Variants in NAV3 observed in about 807,000 individuals in gnomAD.
NAV3 encodes the protein pore membrane and/or filament interacting like protein 1.
A neutral mutation model predicts 244.7 loss-of-function variants in NAV3; 87 were observed. The ratio of observed to expected loss-of-function variants is 0.36; its 90% CI spans 0.30 to 0.42. The LOEUF (loss-of-function observed/expected upper bound fraction) is 0.42, where lower values mean the gene tolerates loss of function less well. NAV3 is among the 20% of genes least tolerant of loss of function. NAV3 has a pLI of 1.00. For synonymous variants in NAV3, 1,126 were observed against 1,042.2 expected, an observed-to-expected ratio of 1.08 and a Z score of -1.55; for missense variants, 2,663 against 2,893.3, an observed-to-expected ratio of 0.92 and a Z score of 1.83.
intron 12 of NAV3, among the ~76,000 whole-genome samples, chr12:78,066,878 T>G (rs1885077654): frequency 1.3e-5 from 2 of 152,104 alleles, no homozygotes; most frequent in Non-Finnish European, 2.9e-5. Context: ...CATCATATAT[T>G]GAAGCAGGCC....
Position 77,909,161 on chromosome 12 carries a change from A to G in NAV3, c.244-31158A>G, listed in dbSNP as rs1886315519. ...TCAAAATGTGGCTACCGTTTTTGCTAGATTAACATTATTGGGTATAGGATT... is the reference window on the plus strand; with the variant it reads ...TCAAAATGTGGCTACCGTTTTTGCTGGATTAACATTATTGGGTATAGGATT... On this transcript the variant is annotated intron_variant, in intron 1 of 39. Coordinates refer to ENST00000397909, the MANE Select transcript of NAV3 (RefSeq NM_001024383.2). Among the ~76,000 whole-genome samples, 4 of 152,098 alleles carry G rather than the reference A, an allele frequency of 2.6e-5. 1 individual carries two copies. Among genetic ancestry groups the G allele is most frequent in the Admixed American group, 2.6e-4 (4 of 15,240 alleles).
chr12:78,137,368 A>T lies in NAV3; in HGVS notation c.4630+3A>T. ...ATTCAGAGACAGCATGGAAGAAGGT[A>T]AGCGTTGAGGGGGATTAAAGATGAA... On this transcript the variant is annotated splice_donor_region_variant and intron_variant, in intron 19 of 39. Coordinates refer to ENST00000397909, the MANE Select transcript of NAV3 (RefSeq NM_001024383.2). 1 of 1,607,804 alleles carries T rather than the reference A, an allele frequency of 6.2e-7. No individual in the cohort carries two copies. The highest frequency in any genetic ancestry group is 8.5e-7 in the Non-Finnish European group (1 of 1,178,162).
chr12:78,088,876 T>C (rs1016987354), intron 12 of NAV3: 1 of 152,132 alleles, frequency 6.6e-6, no homozygotes, highest in South Asian at 2.1e-4. Flanking sequence ...AAGAAAACAC[T>C]GACACATGTA....
At chr12:77,834,165 C>T (rs937937356) in intron 1 of NAV3, among the ~76,000 whole-genome samples, 1 of 152,130 alleles carries the variant, frequency 6.6e-6, no homozygotes, top group Admixed American at 6.5e-5. Context: ...AAATGCCTGT[C>T]CTCACTAGGT....
At chr12:78,023,738 G>C (rs1175996828) in intron 9 of NAV3, among the ~76,000 whole-genome samples, 3 of 152,180 alleles carry the variant, frequency 2.0e-5, no homozygotes, top group African/African-American at 7.2e-5. Flanking sequence ...AATATGAGCA[G>C]GCCAGTGATA....
intron 2 of NAV3, among the ~76,000 whole-genome samples, chr12:77,598,861 A>C (rs550936294): frequency 6.6e-6 from 1 of 152,142 alleles, no homozygotes; most frequent in African/African-American, 2.4e-5. Flanking sequence ...TATTTAACAT[A>C]AGATATACCT....
At chr12:77,805,590 T>C (rs561017196) in intron 2 of NAV3, among the ~76,000 whole-genome samples, 24 of 152,226 alleles carry the variant, frequency 1.6e-4, no homozygotes, top group Non-Finnish European at 3.2e-4. Context: ...TGAGTATTTT[T>C]GCATCAGTGT....
chr12:78,079,066 C>T (rs571298431), intron 12 of NAV3, among the ~76,000 whole-genome samples: 11 of 152,204 alleles, frequency 7.2e-5, no homozygotes, highest in African/African-American at 2.6e-4. Context: ...GAATTGACTC[C>T]AAAATAAAAC....
chr12:77,684,293 T>C (rs1041869241), intron 2 of NAV3, among the ~76,000 whole-genome samples: 3 of 152,204 alleles, frequency 2.0e-5, no homozygotes, highest in Non-Finnish European at 4.4e-5. Flanking sequence ...TTATTGTTGT[T>C]ATTTAGATAA....
At chr12:78,173,497 A>G (rs1958091193) in intron 24 of NAV3, among the ~76,000 whole-genome samples, 1 of 151,694 alleles carries the variant, frequency 6.6e-6, no homozygotes, top group African/African-American at 2.4e-5. Context: ...CAAAAAGCTA[A>G]TGGCCAATCA....
intron 2 of NAV3, among the ~76,000 whole-genome samples, chr12:77,705,138 G>A (rs11833660): frequency 1.1e-4 from 16 of 152,198 alleles, no homozygotes; most frequent in African/African-American, 3.1e-4. Flanking sequence ...ACAATCTCAA[G>A]TTGGGTGCAG....
intron 1 of NAV3, among the ~76,000 whole-genome samples, chr12:77,901,230 A>T (rs966318814): frequency 2.0e-5 from 3 of 152,206 alleles, no homozygotes. Context: ...TAGTTTAAGT[A>T]GGTCCCACTT....
At chr12:78,136,286 A>G (rs1956370929) in intron 18 of NAV3, among the ~76,000 whole-genome samples, 1 of 152,184 alleles carries the variant, frequency 6.6e-6, no homozygotes, top group African/African-American at 2.4e-5. Flanking sequence ...TGCTTTTCTT[A>G]AATATGAGCA....
chr12:78,034,648 G>T (rs1879548668), intron 9 of NAV3, among the ~76,000 whole-genome samples: 1 of 151,886 alleles, frequency 6.6e-6, no homozygotes, highest in Non-Finnish European at 1.5e-5. Flanking sequence ...AAGGCTTTAG[G>T]GTATATTAGC....
chr12:78,021,937 A>G, intron 9 of NAV3, 75 bp downstream of exon 9: 1 of 872,600 alleles, frequency 1.1e-6, no homozygotes. Flanking sequence ...TTATTAAATC[A>G]TATATGTGGT....
intron 1 of NAV3, among the ~76,000 whole-genome samples, chr12:77,867,519 A>G (rs143315336): frequency 6.6e-6 from 1 of 152,002 alleles, no homozygotes; most frequent in Non-Finnish European, 1.5e-5. Flanking sequence ...TCCCAGGTTC[A>G]TGCCATTCTC....
intron 23 of NAV3, among the ~76,000 whole-genome samples, chr12:78,161,166 A>T (rs1366714198): frequency 2.0e-5 from 3 of 152,110 alleles, no homozygotes; most frequent in African/African-American, 7.2e-5. Flanking sequence ...ACCTTTCTTG[A>T]ACCTCAAATT....
chr12:78,069,468 T>A (rs1037953915), intron 12 of NAV3, among the ~76,000 whole-genome samples: 1 of 151,968 alleles, frequency 6.6e-6, no homozygotes, highest in African/African-American at 2.4e-5. Context: ...TCTATTTACA[T>A]AGTTTGGTTA....
At chr12:77,897,050 G>A (rs1021325184) in intron 1 of NAV3, among the ~76,000 whole-genome samples, 11 of 152,144 alleles carry the variant, frequency 7.2e-5, no homozygotes, top group Admixed American at 5.9e-4. Context: ...CTCAGATCCT[G>A]CTCCAGACCT....
Sources: gnomAD v4.1 joint callset for allele counts (sites outside exome capture counted in the v4.1 genomes callset) on GRCh38, gnomAD v4.1.1 for gene constraint, MANE v1.5 for transcripts, NCBI Gene and HGNC (gene_info 2026-07-23, HGNC 2026-07-21) for gene names.